The following UNC80 variants were observed in gnomAD, a reference collection of about 807,000 sequenced individuals.
UNC80 encodes the protein unc-80 subunit of NALCN channel complex, also known as protein unc-80 homolog.
In UNC80, 164 loss-of-function variants were observed where a neutral mutation model predicts 384.6. The ratio of observed to expected loss-of-function variants is 0.43; its 90% CI spans 0.38 to 0.49. The LOEUF is 0.49. UNC80 is among the 20% of genes least tolerant of loss of function. The pLI is 0.00. For missense variants in UNC80, 3,330 were observed against 4,143.0 expected (o/e 0.80, Z 5.39); for synonymous variants, 1,486 against 1,527.8 (o/e 0.97, Z 0.64).
chr2:209,940,311 A>T (rs1192626143), intron 43 of UNC80, among the ~76,000 whole-genome samples: 1 of 152,110 alleles, frequency 6.6e-6, no homozygotes, highest in African/African-American at 2.4e-5. Context: ...ATATTGATGG[A>T]ATGTTGTCTA....
intron 25 of UNC80, among the ~76,000 whole-genome samples, chr2:209,885,922 G>A (rs991047701): frequency 1.3e-5 from 2 of 151,636 alleles, no homozygotes; most frequent in African/African-American, 2.4e-5. Flanking sequence ...CTGCCATCAC[G>A]CCCACCTAAT....
At chr2:209,983,333 A>G (rs1054351071) in intron 60 of UNC80, among the ~76,000 whole-genome samples, 1 of 130,676 alleles carries the variant, frequency 7.7e-6, no homozygotes, top group Admixed American at 8.7e-5. Flanking sequence ...AAAATGATAA[A>G]TCATTAATAA....
At chr2:209,957,579 T>C (rs538509805) in intron 48 of UNC80, 65 bp from the exon 49 acceptor site, 2 of 1,376,494 alleles carry the variant, frequency 1.5e-6, no homozygotes, top group East Asian at 5.1e-5. Flanking sequence ...CTTGAGGATT[T>C]AATAAATGTT....
chr2:209,864,635 T>C (rs1370486670), intron 22 of UNC80, among the ~76,000 whole-genome samples: 3 of 152,196 alleles, frequency 2.0e-5, no homozygotes, highest in African/African-American at 7.2e-5. Context: ...AGAGGCACTC[T>C]GGCCGCAGAC....
intron 11 of UNC80, among the ~76,000 whole-genome samples, chr2:209,818,518 G>A (rs1480772363): frequency 1.3e-5 from 2 of 152,094 alleles, no homozygotes; most frequent in East Asian, 1.9e-4. Context: ...GATCTGCACT[G>A]TATTTCAGGT....
At chr2:209,959,250 G>A (rs111755488) in intron 50 of UNC80, 96 bp downstream of exon 50, 6 of 1,393,666 alleles carry the variant, frequency 4.3e-6, no homozygotes, top group African/African-American at 1.4e-5. Flanking sequence ...TTCATTTGAT[G>A]CATAACATAC....
intron 58 of UNC80, 112 bp downstream of exon 58, chr2:209,977,190 A>G (rs2093035386): frequency 8.2e-6 from 9 of 1,098,706 alleles, no homozygotes; most frequent in Non-Finnish European, 6.1e-6. Context: ...TATGTTAGCC[A>G]TTTTGGTACA....
chr2:209,847,458 A>G (rs141012146), intron 21 of UNC80, among the ~76,000 whole-genome samples: 2 of 152,004 alleles, frequency 1.3e-5, no homozygotes, highest in East Asian at 3.9e-4. Context: ...GCTTTTATTA[A>G]TAACATGATT....
At position 209,921,667 on chromosome 2, in the gene UNC80, C is replaced by T. The variant is rs758551521; in HGVS notation, c.5511C>T (p.Asn1837=). Residue 1837 remains asparagine (N), a synonymous_variant, in exon 34 of 65, where the codon AAC becomes AAT. Coordinates refer to ENST00000673920, the MANE Select transcript of UNC80 (RefSeq NM_001371986.1). ...EACYEPTCTP[N]SEPEEEVEEV... ...GCTATGAGCCCACATGCACGCCCAA[C>T]TCAGAACCGGAAGAAGAAGGTGCCC... 5 of 1,550,636 alleles carry T rather than the reference C, an allele frequency of 3.2e-6. No individual in the cohort carries two copies. The South Asian group carries it at 6.0e-5, about 18-fold the overall frequency.
chr2:209,978,595 C>T lies in UNC80; in HGVS notation c.9005C>T (p.Ala3002Val). The T allele has an allele frequency of 3.2e-6, 5 of 1,551,398 alleles. No homozygotes were observed. Among genetic ancestry groups the T allele is most frequent in the South Asian group, 1.2e-5 (1 of 84,032 alleles). ...ACCTCTGCTTACCGCCTGAGCTTGG[C>T]CACCATGTCCCGCTCTAACACGGGC... The part of the protein sequence containing the change: ...TSTSAYRLSL[A>V]TMSRSNTGTG... The change falls in exon 59 of 65, where the codon GCC becomes GTC. Residue 3002 changes from alanine to valine, a missense_variant. Transcript: ENST00000673920.
intron 24 of UNC80, 126 bp from the exon 25 acceptor site, chr2:209,880,835 A>G: frequency 3.5e-6 from 3 of 862,468 alleles, no homozygotes; most frequent in Non-Finnish European, 5.3e-6. Flanking sequence ...TGGATGTTGG[A>G]CATATATAGG....
In UNC80 at chr2:209,978,549, A is replaced by G. The variant is rs376032195; in HGVS notation, c.8959A>G (p.Ile2987Val). ...SGSAYQGKTS[I>V]STVGTSTSAY... ...TCTAGCCTACCAAGGCAAGACATCC[A>G]TCAGTACCGTGGGCACCTCCACCTC... The change falls in exon 59 of 65, where the codon ATC becomes GTC. Residue 2987 changes from isoleucine (I) to valine (V), a missense_variant. Ile to Val is a conservative substitution (Grantham distance 29). Transcript: ENST00000673920. 50 of 1,549,762 alleles carry G rather than the reference A, an allele frequency of 3.2e-5. No individual in the cohort carries two copies. Among genetic ancestry groups the G allele is most frequent in the Non-Finnish European group, 4.1e-5 (47 of 1,145,662 alleles).
intron 35 of UNC80, among the ~76,000 whole-genome samples, chr2:209,923,710 T>C (rs1424821603): frequency 6.6e-6 from 1 of 152,170 alleles, no homozygotes. Context: ...CAGTATACTT[T>C]GTCTGATGTT....
intron 56 of UNC80, among the ~76,000 whole-genome samples, chr2:209,974,276 G>T (rs1438720033): frequency 6.6e-6 from 1 of 152,110 alleles, no homozygotes; most frequent in East Asian, 1.9e-4. Context: ...CAATGAAAAT[G>T]AAAAAGGAGA....
chr2:209,892,716 C>T (rs538320396), intron 26 of UNC80, among the ~76,000 whole-genome samples: 9 of 152,178 alleles, frequency 5.9e-5, no homozygotes, highest in African/African-American at 2.2e-4. Flanking sequence ...AAATTGCACT[C>T]GTAGTCATTA....
At position 209,904,809 on chromosome 2, in the gene UNC80, C is replaced by T. The variant is rs1445425259; in HGVS notation, c.4626C>T (p.His1542=). 36 of 1,551,884 alleles carry T rather than the reference C, an allele frequency of 2.3e-5. No individual in the cohort carries two copies. Among genetic ancestry groups the T allele is most frequent in the South Asian group, 4.8e-5 (4 of 84,064 alleles). Residue 1542 remains histidine, a synonymous_variant, in exon 29 of 65, where the codon CAC becomes CAT. Transcript: ENST00000673920. ...ATCAGCAGAGTTTCATCTGCACTCA[C>T]GTTGACTACTGCCATCCCCACTGCT... ...LCNQQSFICT[H]VDYCHPHCYL...
At chr2:209,923,260 ATTGTCTAATCCAAGGTCGCAAT>A (rs1160212305) in intron 35 of UNC80, among the ~76,000 whole-genome samples, 1 of 152,150 alleles carries the variant, frequency 6.6e-6, no homozygotes, top group Non-Finnish European at 1.5e-5. Context: ...CTAAGAAACA[ATTGTCTAATCCAAGGTCGCAAT>A]TTGTCTAATC....
At chr2:209,809,025 A>G (rs1358588251) in intron 7 of UNC80, 3 of 378,258 alleles carry the variant, frequency 7.9e-6, no homozygotes, top group Admixed American at 3.8e-5. Context: ...GACTCCCCCA[A>G]GAGAGTTTCA....
intron 16 of UNC80, among the ~76,000 whole-genome samples, chr2:209,833,429 T>G (rs1178643061): frequency 6.6e-6 from 1 of 152,214 alleles, no homozygotes. Flanking sequence ...TAGCCCTACG[T>G]CACCTTCAGT....
Sources: allele counts gnomAD v4.1 joint callset (sites outside exome capture counted in the v4.1 genomes callset), GRCh38; gene constraint gnomAD v4.1.1; transcripts MANE v1.5; gene names NCBI Gene and HGNC (gene_info 2026-07-23, HGNC 2026-07-21).